Variants in ARMC9 observed in about 807,000 individuals in gnomAD.
ARMC9 encodes the protein armadillo repeat containing 9, also known as lisH domain-containing protein ARMC9.
ARMC9 carries 94 observed loss-of-function variants against 107.0 expected under a neutral mutation model. That is an observed-to-expected ratio of 0.88 (90% CI 0.74 to 1.04). ARMC9 has a LOEUF of 1.04. Ranked by LOEUF, ARMC9 falls within the 50% of genes least tolerant of loss-of-function variation. The pLI is 0.00. For missense variants in ARMC9, 942 were observed against 1,030.1 expected, an observed-to-expected ratio of 0.91 and a Z score of 1.17; for synonymous variants, 380 against 396.9, an observed-to-expected ratio of 0.96 and a Z score of 0.51.
chr2:231,241,198 C>CAAA (rs5839393), intron 9 of ARMC9, among the ~76,000 whole-genome samples: 2 of 116,138 alleles, frequency 1.7e-5, no homozygotes, highest in African/African-American at 5.7e-5. Flanking sequence ...GACTTAGTCT[C>CAAA]AAAAAAAAAA....
intron 19 of ARMC9, among the ~76,000 whole-genome samples, chr2:231,324,661 T>G (rs1283120971): frequency 6.6e-6 from 1 of 151,800 alleles, no homozygotes; most frequent in Non-Finnish European, 1.5e-5. Flanking sequence ...AGAGAATCAC[T>G]TGAACCGAGG....
Position 231,254,394 on chromosome 2 carries a change from A to G in ARMC9, c.880-2192A>G, listed in dbSNP as rs146465127. Among the ~76,000 whole-genome samples the G allele has an allele frequency of 4.1e-3, 621 of 152,328 alleles. 9 individuals carry two copies. The highest frequency in any genetic ancestry group is 0.013 in the African/African-American group (556 of 41,566). ...TCGAATTGATGGAAGTTTTAGAGTG[A>G]TAGGCTCCAGTACTGATAACGAAAA... On this transcript the variant is annotated intron_variant, in intron 9 of 24. Transcript: ENST00000611582.
chr2:231,280,396 T>C (rs1265400631), intron 16 of ARMC9, among the ~76,000 whole-genome samples: 1 of 152,042 alleles, frequency 6.6e-6, no homozygotes, highest in Non-Finnish European at 1.5e-5. Context: ...AGGTGGAGGT[T>C]GTAGTGAGCT....
chr2:231,240,618 G>A (rs1239954826), intron 9 of ARMC9, among the ~76,000 whole-genome samples: 1 of 152,280 alleles, frequency 6.6e-6, no homozygotes, highest in Admixed American at 6.5e-5. Flanking sequence ...ACTTCAGTGT[G>A]TATTTCTTAA....
intron 21 of ARMC9, among the ~76,000 whole-genome samples, chr2:231,346,253 G>A (rs910195415): frequency 2.0e-5 from 3 of 152,210 alleles, no homozygotes; most frequent in African/African-American, 7.2e-5. Flanking sequence ...CAGGCGTGGT[G>A]GCTCACACCT....
At chr2:231,200,789 C>T (rs913571036) in intron 1 of ARMC9, among the ~76,000 whole-genome samples, 2 of 151,456 alleles carry the variant, frequency 1.3e-5, no homozygotes, top group African/African-American at 4.9e-5. Context: ...GAGCCGAGAT[C>T]CCGCCACTGC....
chr2:231,212,901 T>C (rs1559294333), intron 3 of ARMC9, among the ~76,000 whole-genome samples: 1 of 152,240 alleles, frequency 6.6e-6, no homozygotes, highest in African/African-American at 2.4e-5. Flanking sequence ...CTGAGTTTAC[T>C]TGAAATGTAA....
At chr2:231,296,469 A>G (rs1234286919) in intron 19 of ARMC9, among the ~76,000 whole-genome samples, 1 of 152,104 alleles carries the variant, frequency 6.6e-6, no homozygotes, top group African/African-American at 2.4e-5. Context: ...AGACTCCCAC[A>G]CTCATTGGGT....
chr2:231,363,967 T>C (rs2045703901), intron 23 of ARMC9, among the ~76,000 whole-genome samples: 3 of 151,986 alleles, frequency 2.0e-5, no homozygotes, highest in South Asian at 2.1e-4. Context: ...AATTTTCCTT[T>C]TCCTTTGTCA....
At chr2:231,226,709 G>T in intron 6 of ARMC9, 65 bp from the exon 7 acceptor site, 1 of 1,562,398 alleles carries the variant, frequency 6.4e-7, no homozygotes, top group Non-Finnish European at 8.8e-7. Flanking sequence ...TTGGCCACAG[G>T]ATGTCCGATA....
At chr2:231,235,438 G>T in intron 8 of ARMC9, 57 bp downstream of exon 8, 1 of 1,590,134 alleles carries the variant, frequency 6.3e-7, no homozygotes, top group Non-Finnish European at 8.6e-7. Flanking sequence ...AGGCTTATAG[G>T]CATGGACTAT....
chr2:231,343,085 G>C (rs1439759269), intron 20 of ARMC9, among the ~76,000 whole-genome samples: 2 of 151,926 alleles, frequency 1.3e-5, no homozygotes, highest in African/African-American at 4.8e-5. Context: ...AGCTAATTTT[G>C]TATTTTTAGT....
At chr2:231,291,192 T>C (rs1374833714) in intron 17 of ARMC9, among the ~76,000 whole-genome samples, 161 bp from the exon 18 acceptor site, 1 of 152,120 alleles carries the variant, frequency 6.6e-6, no homozygotes, top group Non-Finnish European at 1.5e-5. Flanking sequence ...TTTGTATCTA[T>C]CTCTTAAACA....
In ARMC9 at chr2:231,374,426, C is replaced by T. The variant is rs932740208; in HGVS notation, c.*2891C>T. ...GCAAGGTGGAACTGTCTGGCAAGAG[C>T]TTAAATTAGGACCTGTGGTGGGGAC... On this transcript the variant is annotated 3_prime_UTR_variant, in exon 25 of 25. Transcript: ENST00000611582. 5.3e-5 allele frequency: 8 copies of T among 152,070 alleles called. No homozygotes were observed. The highest frequency in any genetic ancestry group is 3.4e-3 in the Middle Eastern group (1 of 294). 9.4% of individuals were successfully genotyped at this position (152,070 alleles called of 1,614,324 possible). A position where few individuals can be genotyped will look rare whatever the true frequency, so the allele number is the denominator to read the frequency against.
At chr2:231,367,991 A>G (rs1290357916) in intron 23 of ARMC9, among the ~76,000 whole-genome samples, 2 of 151,858 alleles carry the variant, frequency 1.3e-5, no homozygotes, top group Non-Finnish European at 2.9e-5. Flanking sequence ...AAAAAAAAAA[A>G]AGATAAATTA....
At chr2:231,221,866 G>A (rs1357151139) in intron 5 of ARMC9, among the ~76,000 whole-genome samples, 2 of 147,152 alleles carry the variant, frequency 1.4e-5, no homozygotes, top group African/African-American at 2.5e-5. Context: ...CTGCTCATCT[G>A]GCAGTATTTT....
chr2:231,240,072 G>T, intron 9 of ARMC9, 31 bp downstream of exon 9: 1 of 1,554,906 alleles, frequency 6.4e-7, no homozygotes, highest in Non-Finnish European at 8.8e-7. Flanking sequence ...CAGGGTGCCC[G>T]TGGTCTATCC....
At chr2:231,227,271 G>A (rs547721709) in intron 7 of ARMC9, among the ~76,000 whole-genome samples, 1 of 152,284 alleles carries the variant, frequency 6.6e-6, no homozygotes, top group Non-Finnish European at 1.5e-5. Context: ...GTAGCATGAA[G>A]TGTTATTTTT....
intron 24 of ARMC9, among the ~76,000 whole-genome samples, 184 bp downstream of exon 24, chr2:231,370,309 G>A (rs968396762): frequency 2.6e-5 from 4 of 152,194 alleles, no homozygotes; most frequent in Non-Finnish European, 4.4e-5. Flanking sequence ...TTCCTCCAGG[G>A]ACCGGTTCTG....
Sources: allele counts gnomAD v4.1 joint callset (sites outside exome capture counted in the v4.1 genomes callset), GRCh38; gene constraint gnomAD v4.1.1; transcripts MANE v1.5; gene names NCBI Gene and HGNC (gene_info 2026-07-23, HGNC 2026-07-21).